NOL4: variants seen among roughly 807,000 people sequenced by gnomAD.
NOL4 encodes nucleolar protein 4, also known as cancer/testis antigen 125.
In NOL4, 17 loss-of-function variants were observed where a neutral mutation model predicts 75.9. The observed-to-expected ratio is 0.22, with a 90% CI of 0.15 to 0.34. The LOEUF (loss-of-function observed/expected upper bound fraction) is 0.34, where lower values mean the gene tolerates loss of function less well. Ranked by LOEUF, NOL4 falls within the 10% of genes least tolerant of loss-of-function variation. NOL4 has a pLI of 1.00. For synonymous variants in NOL4, 292 were observed against 289.9 expected, an observed-to-expected ratio of 1.01 and a Z score of -0.07; for missense variants, 614 against 793.5, an observed-to-expected ratio of 0.77 and a Z score of 2.72.
chr18:34,102,331 TG>T (rs1455220500), intron 4 of NOL4, among the ~76,000 whole-genome samples: 1 of 152,098 alleles, frequency 6.6e-6, no homozygotes, highest in Non-Finnish European at 1.5e-5. Flanking sequence ...TTGAACTTAT[TG>T]GATTAATGCT....
intron 1 of NOL4, among the ~76,000 whole-genome samples, chr18:34,183,249 A>C (rs534255228): frequency 6.6e-6 from 1 of 151,354 alleles, no homozygotes; most frequent in Admixed American, 6.6e-5. Context: ...CTGAACAAAC[A>C]CTTCACCAAA....
rs1269230983 is a variant in NOL4, at chr18:34,089,053, T to TAA, written c.772+4411_772+4412insTT. Reference sequence around the variant, plus strand: ...TATTTCCAACACAACGCACATTTGATAGTCTTCTTTTCCCTTGGTTTTTAA... The same window carrying TAA: ...TATTTCCAACACAACGCACATTTGATAAAGTCTTCTTTTCCCTTGGTTTTTAA... On this transcript the variant is annotated intron_variant, in intron 5 of 10. Transcript: ENST00000261592. Among the ~76,000 whole-genome samples the TAA allele has an allele frequency of 4.0e-4, 61 of 152,250 alleles. No homozygotes were observed. The South Asian group carries it at 0.012, about 30-fold the overall frequency.
At chr18:33,967,015 AGCC>A (rs2070660009) in intron 6 of NOL4, among the ~76,000 whole-genome samples, 1 of 152,186 alleles carries the variant, frequency 6.6e-6, no homozygotes, top group African/African-American at 2.4e-5. Context: ...AAGCTCAAAT[AGCC>A]AAAGCAATTC....
At chr18:33,865,304 A>G (rs750512623) in intron 10 of NOL4, among the ~76,000 whole-genome samples, 1 of 152,278 alleles carries the variant, frequency 6.6e-6, no homozygotes, top group Non-Finnish European at 1.5e-5. Flanking sequence ...TATGTTTAAA[A>G]TCATCTCTCG....
At chr18:34,187,521 C>A (rs997440892) in intron 1 of NOL4, among the ~76,000 whole-genome samples, 2 of 152,016 alleles carry the variant, frequency 1.3e-5, no homozygotes, top group East Asian at 1.9e-4. Context: ...GGACTACAGG[C>A]GCCTAGAGGC....
chr18:33,865,118 T>A (rs1381324779), intron 10 of NOL4, among the ~76,000 whole-genome samples: 1 of 152,142 alleles, frequency 6.6e-6, no homozygotes, highest in East Asian at 1.9e-4. Flanking sequence ...GGTGAACAGT[T>A]ACTCTCATTA....
chr18:34,092,608 T>C (rs1214327181), intron 5 of NOL4, among the ~76,000 whole-genome samples: 2 of 152,192 alleles, frequency 1.3e-5, no homozygotes, highest in Non-Finnish European at 2.9e-5. Context: ...TCAGTATCTA[T>C]AAATGTAAGT....
intron 1 of NOL4, among the ~76,000 whole-genome samples, chr18:34,167,044 C>CAAAAAAAAAAAA (rs1174730527): frequency 1.1e-3 from 6 of 5,670 alleles, no homozygotes; most frequent in Non-Finnish European, 1.5e-3. Context: ...GACTCCGTCT[C>CAAAAAAAAAAAA]AAAAAAAAAA....
At chr18:33,986,938 A>G (rs1336293091) in intron 6 of NOL4, among the ~76,000 whole-genome samples, 2 of 152,098 alleles carry the variant, frequency 1.3e-5, no homozygotes, top group Non-Finnish European at 2.9e-5. Context: ...GTACTGTGTG[A>G]GTCAACTGAT....
At chr18:34,183,258 A>G (rs1218981681) in intron 1 of NOL4, among the ~76,000 whole-genome samples, 2 of 139,322 alleles carry the variant, frequency 1.4e-5, no homozygotes, top group East Asian at 2.3e-4. Context: ...CACTTCACCA[A>G]ATAAAATATG....
chr18:34,042,087 C>T (rs1157744468), intron 5 of NOL4, among the ~76,000 whole-genome samples: 1 of 151,978 alleles, frequency 6.6e-6, no homozygotes, highest in Non-Finnish European at 1.5e-5. Context: ...ATACAAAGTT[C>T]TGAATATACT....
At chr18:34,071,058 C>A (rs1238874097) in intron 5 of NOL4, among the ~76,000 whole-genome samples, 1 of 151,936 alleles carries the variant, frequency 6.6e-6, no homozygotes, top group East Asian at 1.9e-4. Flanking sequence ...CAATAGTAAA[C>A]AACAGTGTAT....
intron 9 of NOL4, among the ~76,000 whole-genome samples, chr18:33,900,858 G>T (rs1342609288): frequency 6.6e-6 from 1 of 152,144 alleles, no homozygotes; most frequent in African/African-American, 2.4e-5. Flanking sequence ...CTTATGGCTA[G>T]AATTTTAAGG....
rs114557209 is a variant in NOL4, at chr18:34,099,933, G to A, written c.639+4114C>T. On this transcript the variant is annotated intron_variant, in intron 4 of 10. Coordinates refer to ENST00000261592, the MANE Select transcript of NOL4 (RefSeq NM_003787.5). ...AAATGACTTTACTTGAAACTCAAAA[G>A]AGGTCCATTTTCCTGGTCAATTCAC... Among the ~76,000 whole-genome samples, 623 of 152,138 alleles carry A rather than the reference G, an allele frequency of 4.1e-3. 5 individuals are homozygous for A. The highest frequency in any genetic ancestry group is 0.014 in the African/African-American group (566 of 41,514).
At chr18:34,222,823 C>T in intron 1 of NOL4, 167 bp downstream of exon 1, 1 of 836,050 alleles carries the variant, frequency 1.2e-6, no homozygotes, top group Non-Finnish European at 1.8e-6. Context: ...GGGGAAAACG[C>T]GCCTGGCTAA....
intron 2 of NOL4, among the ~76,000 whole-genome samples, chr18:34,106,491 C>T (rs987502220): frequency 6.6e-5 from 10 of 151,966 alleles, no homozygotes; most frequent in African/African-American, 2.4e-4. Context: ...TAAAATTCAA[C>T]ACTCTTAGGG....
chr18:34,156,705 CCATTGT>C (rs1247941944), intron 1 of NOL4: 1 of 152,574 alleles, frequency 6.6e-6, no homozygotes, highest in African/African-American at 2.4e-5. Context: ...CGGAACACTT[CCATTGT>C]CATTAATATC....
chr18:34,204,738 C>T (rs1229332740), intron 1 of NOL4, among the ~76,000 whole-genome samples: 7 of 151,752 alleles, frequency 4.6e-5, no homozygotes, highest in Admixed American at 2.0e-4. Context: ...CTTCAGAACC[C>T]ATAAGTTTAT....
intron 5 of NOL4, among the ~76,000 whole-genome samples, chr18:34,032,634 C>G (rs780944026): frequency 1.3e-5 from 2 of 152,122 alleles, no homozygotes; most frequent in Non-Finnish European, 2.9e-5. Context: ...ACGTGGGATC[C>G]AGATAGTTGT....
Sources: gnomAD v4.1 joint callset for allele counts (sites outside exome capture counted in the v4.1 genomes callset) on GRCh38, gnomAD v4.1.1 for gene constraint, MANE v1.5 for transcripts, NCBI Gene and HGNC (gene_info 2026-07-23, HGNC 2026-07-21) for gene names.